The following CPVL variants were observed in gnomAD, a reference collection of about 807,000 sequenced individuals.
The protein encoded by CPVL is carboxypeptidase vitellogenic like, also known as probable serine carboxypeptidase CPVL.
Under a neutral mutation model 63.7 loss-of-function variants are expected in CPVL, and 51 were observed. That is an observed-to-expected ratio of 0.80 (90% confidence interval 0.64 to 1.01). CPVL has a LOEUF of 1.01. CPVL is among the 50% of genes least tolerant of loss of function. CPVL has a pLI of 0.00. For synonymous variants in CPVL, 195 were observed against 206.0 expected (o/e 0.95, Z 0.46); for missense variants, 530 against 573.1 (o/e 0.92, Z 0.77).
intron 2 of CPVL, among the ~76,000 whole-genome samples, chr7:29,116,708 A>C (rs1027070978): frequency 2.0e-5 from 3 of 152,224 alleles, no homozygotes; most frequent in African/African-American, 7.2e-5. Context: ...ATAGTCTTTA[A>C]AGTGTGAAAA....
chr7:29,105,060 A>G (rs1244832332), intron 3 of CPVL, among the ~76,000 whole-genome samples: 2 of 152,204 alleles, frequency 1.3e-5, no homozygotes, highest in Non-Finnish European at 2.9e-5. Flanking sequence ...GTCAGTTTGA[A>G]GAAGACAATT....
chr7:29,067,735 TCAAGTA>T (rs960584009), intron 9 of CPVL, among the ~76,000 whole-genome samples: 2 of 152,174 alleles, frequency 1.3e-5, no homozygotes, highest in African/African-American at 4.8e-5. Context: ...AAACAATCTA[TCAAGTA>T]CAAATTTAGG....
chr7:29,151,062 T>C (rs577410959), upstream of CPVL, among the ~76,000 whole-genome samples: 1 of 152,302 alleles, frequency 6.6e-6, no homozygotes, highest in South Asian at 2.1e-4. Context: ...CAGGTGGCGG[T>C]AACCAAGCTC....
chr7:29,113,739 T>C (rs1168933207), intron 2 of CPVL: 2 of 152,310 alleles, frequency 1.3e-5, no homozygotes, highest in African/African-American at 4.8e-5. Context: ...AGTTTGTTCC[T>C]TCCCCCAGGG....
chr7:29,140,537 C>A (rs10271905), intron 1 of CPVL, among the ~76,000 whole-genome samples: 2,227 of 152,288 alleles, frequency 0.015, 65 homozygotes, highest in African/African-American at 0.051. Context: ...CAGTTCTGTG[C>A]CCCACTACAA....
intron 5 of CPVL, among the ~76,000 whole-genome samples, chr7:29,170,638 G>C (rs575801320): frequency 3.9e-5 from 6 of 152,312 alleles, no homozygotes; most frequent in Non-Finnish European, 8.8e-5. Context: ...GAACACTTCT[G>C]TGTGACTTTC....
chr7:29,015,714 G>C (rs1207093812), intron 12 of CPVL, among the ~76,000 whole-genome samples: 1 of 152,140 alleles, frequency 6.6e-6, no homozygotes, highest in Non-Finnish European at 1.5e-5. Context: ...GGGGCATGTA[G>C]CCTAGATCCG....
intron 4 of CPVL, among the ~76,000 whole-genome samples, chr7:29,183,232 A>G (rs1233934343): frequency 6.6e-6 from 1 of 151,586 alleles, no homozygotes; most frequent in Non-Finnish European, 1.5e-5. Context: ...TTACAGGCAT[A>G]TGCCAACATG....
At chr7:29,146,975 AGT>A, upstream of CPVL, 1 of 1,550,916 alleles carries the variant, frequency 6.4e-7, no homozygotes, top group South Asian at 1.2e-5. Context: ...GCTCGCACCA[AGT>A]GCCACTGTCC....
chr7:29,113,003 T>C, intron 2 of CPVL, 181 bp from the exon 3 acceptor site: 1 of 510,496 alleles, frequency 2.0e-6, no homozygotes. Flanking sequence ...TAGTCCACGT[T>C]CACAATTTAG....
intron 6 of CPVL, among the ~76,000 whole-genome samples, chr7:29,091,786 C>T (rs998758418): frequency 6.6e-6 from 1 of 152,210 alleles, no homozygotes; most frequent in South Asian, 2.1e-4. Flanking sequence ...CCCCCGGCCA[C>T]CTATCTGCCT....
At chr7:29,178,869 CCAAT>C (rs1376588012) in intron 5 of CPVL, among the ~76,000 whole-genome samples, 2 of 152,116 alleles carry the variant, frequency 1.3e-5, no homozygotes, top group Non-Finnish European at 2.9e-5. Context: ...ACAAATTTGA[CCAAT>C]CAAAGGTTAA....
At chr7:29,020,252 G>A (rs898142279) in intron 12 of CPVL, among the ~76,000 whole-genome samples, 2 of 152,240 alleles carry the variant, frequency 1.3e-5, no homozygotes, top group Admixed American at 6.5e-5. Flanking sequence ...TGAGGAGATC[G>A]TGTGTGTGCC....
chr7:29,123,628 AATATATATATATATATAT>A (rs1243750985), intron 1 of CPVL, among the ~76,000 whole-genome samples: 1 of 41,754 alleles, frequency 2.4e-5, no homozygotes, highest in Non-Finnish European at 3.9e-5. Context: ...AAAAAAAAAA[AATATATATATATATATAT>A]ATATATATAT....
At chr7:29,029,704 A>G (rs1444186392) in intron 12 of CPVL, among the ~76,000 whole-genome samples, 1 of 152,186 alleles carries the variant, frequency 6.6e-6, no homozygotes, top group Non-Finnish European at 1.5e-5. Flanking sequence ...GCAGACAGTT[A>G]GATAGAAGGA....
rs573340230 is a variant in CPVL, at chr7:29,177,206, T to C, written c.-11+4084A>G. Among the ~76,000 whole-genome samples the C allele has an allele frequency of 4.0e-5, 6 of 150,222 alleles. No homozygotes were observed. The East Asian group carries it at 1.2e-3, about 30-fold the overall frequency. On this transcript the variant is annotated intron_variant, in intron 5 of 16. Transcript: ENST00000409850. ...AAGTAATTTATACCTATATAGGAGA[T>C]CTTTTTCTTTTTTCTTTCTTTTTTT...
intron 6 of CPVL, among the ~76,000 whole-genome samples, chr7:29,090,231 G>A (rs1785629019): frequency 7.3e-6 from 1 of 136,112 alleles, no homozygotes; most frequent in African/African-American, 2.5e-5. Context: ...GGGCTCATCT[G>A]CCTTGCACTG....
intron 2 of CPVL, among the ~76,000 whole-genome samples, chr7:29,116,530 A>T (rs1788793576): frequency 6.6e-6 from 1 of 152,192 alleles, no homozygotes. Flanking sequence ...TACTGCTGCA[A>T]CCAATGTTTG....
intron 1 of CPVL, among the ~76,000 whole-genome samples, chr7:29,136,212 T>A (rs1791210147): frequency 6.6e-6 from 1 of 152,194 alleles, no homozygotes; most frequent in Non-Finnish European, 1.5e-5. Context: ...AAAAATCATA[T>A]CAATAAGGAT....
Sources: allele counts gnomAD v4.1 joint callset (sites outside exome capture counted in the v4.1 genomes callset), GRCh38; gene constraint gnomAD v4.1.1; transcripts MANE v1.5; gene names NCBI Gene and HGNC (gene_info 2026-07-23, HGNC 2026-07-21).